Variants in IRAK3 observed in about 807,000 individuals in gnomAD.
The protein encoded by IRAK3 is interleukin-1 receptor-associated kinase 3.
IRAK3 carries 57 observed loss-of-function variants against 56.6 expected under a neutral mutation model. The observed-to-expected ratio is 1.01, with a 90% CI of 0.81 to 1.26. IRAK3 has a LOEUF of 1.26. Among genes scored for constraint, IRAK3 ranks in the 50% most tolerant of loss-of-function variants. The pLI is 0.00. For missense variants in IRAK3, 703 were observed against 719.0 expected, an observed-to-expected ratio of 0.98 and a Z score of 0.25; for synonymous variants, 258 against 255.7, an observed-to-expected ratio of 1.01 and a Z score of -0.09.
At chr12:66,207,425 T>C (rs1428923042) in intron 2 of IRAK3, among the ~76,000 whole-genome samples, 1 of 151,806 alleles carries the variant, frequency 6.6e-6, no homozygotes, top group Non-Finnish European at 1.5e-5. Context: ...TGATCTGAGA[T>C]TGCACCACTG....
At chr12:66,233,237 G>C (rs2052862781) in intron 8 of IRAK3, among the ~76,000 whole-genome samples, 1 of 152,160 alleles carries the variant, frequency 6.6e-6, no homozygotes, top group African/African-American at 2.4e-5. Context: ...AAGAAAGACA[G>C]GCCGGGCGCG....
rs1302834564 is a variant in IRAK3, at chr12:66,194,826, T to C, written c.133+5394T>C. 9.1e-5 allele frequency among the ~76,000 whole-genome samples: 5 copies of C among 55,066 alleles called. No individual in the cohort carries two copies. In the East Asian group the frequency reaches 3.4e-3, roughly 38 times the overall value. 36.1% of individuals were successfully genotyped at this position (55,066 alleles called of 152,430 possible). ...ACTGGGCGACAGAGCGAGACTCCTC[T>C]CAAAAAAAAAAAAAAAAAAATTACA... On this transcript the variant is annotated intron_variant, in intron 1 of 11. Transcript: ENST00000261233.
chr12:66,189,254 A>G lies in IRAK3; in HGVS notation c.-46A>G. ...GTGTAACGGCCTGTCGCAGGCGTGC[A>G]GGGACCTGGACTCCGCCTCGTCCCC... On this transcript the variant is annotated 5_prime_UTR_variant, in exon 1 of 12. Coordinates refer to ENST00000261233, the MANE Select transcript of IRAK3 (RefSeq NM_007199.3). The G allele has an allele frequency of 1.3e-6, 2 of 1,532,414 alleles. No homozygotes were observed. The highest frequency in any genetic ancestry group is 1.2e-5 in the South Asian group (1 of 84,074). 94.9% of individuals were successfully genotyped at this position (1,532,414 alleles called of 1,614,324 possible). A position where few individuals can be genotyped will look rare whatever the true frequency, so the allele number is the denominator to read the frequency against.
intron 8 of IRAK3, among the ~76,000 whole-genome samples, chr12:66,231,352 TA>T (rs796363515): frequency 7.2e-4 from 106 of 146,812 alleles, no homozygotes; most frequent in African/African-American, 1.5e-3. Flanking sequence ...TTCTCTACTT[TA>T]AAAAAAAAAA....
In IRAK3 at chr12:66,234,044, G is replaced by A. The variant is rs1036324663; in HGVS notation, c.887+5674G>A. 7 of 1,610,404 alleles carry A rather than the reference G, an allele frequency of 4.3e-6. No homozygotes were observed. The East Asian group carries it at 1.1e-4, about 26-fold the overall frequency. On this transcript the variant is annotated intron_variant, in intron 8 of 11. Transcript: ENST00000261233. ...GTTCAGCCTTCACACCCTTCTTCAT[G>A]TAAGAACACCTTTCTGTACATCTCA...
chr12:66,189,371 G>A lies in IRAK3; in HGVS notation c.72G>A (p.Leu24=). The A allele has an allele frequency of 6.5e-7, 1 of 1,529,974 alleles. No homozygotes were observed. The highest frequency in any genetic ancestry group is 8.7e-7 in the Non-Finnish European group (1 of 1,144,442). The allele number at this position is 1,529,974 out of a possible 1,614,324, so 94.8% of individuals were successfully genotyped here. Reference sequence around the variant, plus strand: ...TGCTGTTCGACCTGCCGCCCGCGCTGCTCGGAGAGCTCTGCGCTGTTCTGG... The same window carrying A: ...TGCTGTTCGACCTGCCGCCCGCGCTACTCGGAGAGCTCTGCGCTGTTCTGG... The part of the protein sequence containing the change: ...HTLLFDLPPA[L]LGELCAVLDS... Residue 24 remains leucine (L), a synonymous_variant, in exon 1 of 12, where the codon CTG becomes CTA. Transcript: ENST00000261233.
At chr12:66,207,779 CATTT>C (rs2052571286) in intron 2 of IRAK3, among the ~76,000 whole-genome samples, 2 of 151,722 alleles carry the variant, frequency 1.3e-5, no homozygotes, top group African/African-American at 4.8e-5. Flanking sequence ...TTTTTTAATT[CATTT>C]GTTATTTATG....
At chr12:66,200,859 G>A (rs566433476) in intron 1 of IRAK3, among the ~76,000 whole-genome samples, 1 of 152,258 alleles carries the variant, frequency 6.6e-6, no homozygotes, top group South Asian at 2.1e-4. Flanking sequence ...TGCCTAGGCT[G>A]GAGTGCAATG....
chr12:66,245,560 C>T (rs112190986), intron 11 of IRAK3, among the ~76,000 whole-genome samples: 1,539 of 50,196 alleles, frequency 0.031, 18 homozygotes, highest in Non-Finnish European at 0.046. Context: ...TTTTTGGAGA[C>T]AGAGTCTCAC....
At chr12:66,238,370 GTTA>G (rs2052930057) in intron 8 of IRAK3, among the ~76,000 whole-genome samples, 2 of 152,160 alleles carry the variant, frequency 1.3e-5, no homozygotes, top group African/African-American at 2.4e-5. Context: ...AGGTATTACA[GTTA>G]TTATCTCCAT....
intron 2 of IRAK3, among the ~76,000 whole-genome samples, chr12:66,206,079 C>A (rs941037212): frequency 6.6e-6 from 1 of 150,858 alleles, no homozygotes; most frequent in Non-Finnish European, 1.5e-5. Flanking sequence ...CTGGCTTCTT[C>A]TTAAGAGAGA....
intron 1 of IRAK3, among the ~76,000 whole-genome samples, chr12:66,198,808 T>G (rs2052480232): frequency 6.6e-6 from 1 of 151,326 alleles, no homozygotes; most frequent in Non-Finnish European, 1.5e-5. Context: ...CAGGCTGGAC[T>G]GCAGTGGTGC....
intron 6 of IRAK3, among the ~76,000 whole-genome samples, chr12:66,225,042 G>A (rs1485377831): frequency 6.6e-6 from 1 of 152,060 alleles, no homozygotes; most frequent in African/African-American, 2.4e-5. Flanking sequence ...AACCTCTAAA[G>A]TATCCGTTTT....
chr12:66,245,130 AGGCCT>A lies in IRAK3; in HGVS notation c.1185_1189del (p.Leu396PhefsTer8). The A allele has an allele frequency of 5.6e-6, 9 of 1,614,154 alleles. No homozygotes were observed. Among genetic ancestry groups the A allele is most frequent in the Non-Finnish European group, 7.6e-6 (9 of 1,180,020 alleles). Reference sequence around the variant, plus strand: ...TCCTTAGAGAATTGATGGAGAAGAGAGGCCTGGATTCATGTCTCTCATTTCTAGAT... The same window carrying A: ...TCCTTAGAGAATTGATGGAGAAGAGAGGATTCATGTCTCTCATTTCTAGAT... On this transcript the variant is annotated frameshift_variant, in exon 11 of 12. Coordinates refer to ENST00000261233, the MANE Select transcript of IRAK3 (RefSeq NM_007199.3). LOFTEE classifies it high-confidence loss of function.
intron 6 of IRAK3, among the ~76,000 whole-genome samples, chr12:66,224,744 A>G (rs2052768734): frequency 3.3e-5 from 5 of 152,210 alleles, no homozygotes. Context: ...GCGATTAAAT[A>G]ACTTGCCCAA....
chr12:66,244,902 G>T, intron 9 of IRAK3, 46 bp from the exon 10 acceptor site: 1 of 1,387,628 alleles, frequency 7.2e-7, no homozygotes, highest in East Asian at 2.3e-5. Flanking sequence ...CAAATTGTGT[G>T]TATATTTTTA....
At chr12:66,215,788 A>ACGTGCAGGTGCGCGCGCGCGCGCGCGCG (rs375264640) in intron 5 of IRAK3, among the ~76,000 whole-genome samples, 73 of 131,686 alleles carry the variant, frequency 5.5e-4, no homozygotes, top group African/African-American at 1.9e-3. Flanking sequence ...CCCAACATGC[A>ACGTGCAGGTGCGCGCGCGCGCGCGCGCG]CACACACACA....
At chr12:66,210,103 G>A in intron 3 of IRAK3, 44 bp from the exon 4 acceptor site, 1 of 1,253,892 alleles carries the variant, frequency 8.0e-7, no homozygotes, top group Non-Finnish European at 1.2e-6. Flanking sequence ...GTTCTTTCTA[G>A]ATGTATGAAA....
chr12:66,196,736 A>G, intron 1 of IRAK3: 1 of 736,514 alleles, frequency 1.4e-6, no homozygotes, highest in Non-Finnish European at 2.1e-6. Context: ...GGTATGAAGA[A>G]TAGATCTAAC....
Sources: gnomAD v4.1 joint callset for allele counts (sites outside exome capture counted in the v4.1 genomes callset) on GRCh38, gnomAD v4.1.1 for gene constraint, MANE v1.5 for transcripts, NCBI Gene and HGNC (gene_info 2026-07-23, HGNC 2026-07-21) for gene names.